The following SEC24D variants were observed in gnomAD, a reference collection of about 807,000 sequenced individuals.
SEC24D encodes SEC24 homolog D, COPII component.
In SEC24D, 69 loss-of-function variants were observed where a neutral mutation model predicts 116.9. The observed-to-expected ratio is 0.59, with a 90% confidence interval of 0.49 to 0.72. The LOEUF (loss-of-function observed/expected upper bound fraction) is 0.72. Ranked by LOEUF, SEC24D falls within the 30% of genes least tolerant of loss-of-function variation. The pLI, the probability that SEC24D is intolerant of heterozygous loss-of-function variation, is 0.00. For missense variants in SEC24D, 1,131 were observed against 1,264.1 expected (o/e 0.89, Z 1.60); for synonymous variants, 405 against 442.8 (o/e 0.91, Z 1.07).
In SEC24D at chr4:118,738,295, CGGT is replaced by C; in HGVS notation, c.2459_2461del (p.Tyr820_Arg821delinsTrp). The C allele has an allele frequency of 6.2e-7, 1 of 1,613,440 alleles. No homozygotes were observed. The highest frequency in any genetic ancestry group is 8.5e-7 in the Non-Finnish European group (1 of 1,179,490). On this transcript the variant is annotated inframe_deletion, in exon 19 of 23. Coordinates refer to ENST00000280551, the MANE Select transcript of SEC24D (RefSeq NM_014822.4). The stretch of plus-strand genomic sequence containing the variant: ...TGCAGAAGGACTTGCACAATTCTTC[CGGT>C]AACATGCCAACATATGGGCAGTCTG...
chr4:118,747,485 C>T (rs1217466947), intron 13 of SEC24D, among the ~76,000 whole-genome samples: 3 of 151,950 alleles, frequency 2.0e-5, no homozygotes, highest in Non-Finnish European at 2.9e-5. Context: ...AGGCTGGTCT[C>T]GAACTCCCAA....
intron 15 of SEC24D, among the ~76,000 whole-genome samples, chr4:118,743,324 C>T (rs927440261): frequency 4.0e-5 from 6 of 150,212 alleles, no homozygotes; most frequent in Non-Finnish European, 5.9e-5. Context: ...AATTGCCGAA[C>T]CATAAATATA....
intron 8 of SEC24D, among the ~76,000 whole-genome samples, chr4:118,771,431 A>G (rs868588638): frequency 1.3e-5 from 2 of 152,178 alleles, no homozygotes; most frequent in South Asian, 4.1e-4. Flanking sequence ...GCCTGAGTTT[A>G]CACAACATGA....
intron 19 of SEC24D, chr4:118,736,631 CTA>C (rs1725974808): frequency 4.3e-6 from 1 of 231,416 alleles, no homozygotes. Context: ...TCCAACTATT[CTA>C]TGTTTTCAGA....
At chr4:118,779,803 G>T (rs1424703745) in intron 8 of SEC24D, among the ~76,000 whole-genome samples, 1 of 152,152 alleles carries the variant, frequency 6.6e-6, no homozygotes, top group Non-Finnish European at 1.5e-5. Context: ...TCTATTCAGA[G>T]ATTCAACTTC....
At chr4:118,830,649 T>G (rs1730809725) in intron 2 of SEC24D, among the ~76,000 whole-genome samples, 1 of 152,050 alleles carries the variant, frequency 6.6e-6, no homozygotes, top group Non-Finnish European at 1.5e-5. Flanking sequence ...ATTAAAATTT[T>G]TTTTTTTAAA....
At chr4:118,763,128 T>C (rs1727467307) in intron 10 of SEC24D, among the ~76,000 whole-genome samples, 1 of 152,170 alleles carries the variant, frequency 6.6e-6, no homozygotes, top group Non-Finnish European at 1.5e-5. Context: ...TAGGAACAAC[T>C]AAACTGTCCA....
chr4:118,827,640 C>T (rs553227976), intron 2 of SEC24D, among the ~76,000 whole-genome samples: 2 of 152,278 alleles, frequency 1.3e-5, no homozygotes, highest in East Asian at 1.9e-4. Context: ...AGCAGCACAC[C>T]TCTGGGAGAC....
At chr4:118,835,057 T>G (rs1366265080) in intron 1 of SEC24D, among the ~76,000 whole-genome samples, 6 of 152,158 alleles carry the variant, frequency 3.9e-5, no homozygotes. Context: ...GGCCTTCTGG[T>G]CCACTTTGTT....
intron 19 of SEC24D, among the ~76,000 whole-genome samples, chr4:118,737,784 G>A (rs1412199201): frequency 3.3e-5 from 5 of 151,864 alleles, no homozygotes; most frequent in Non-Finnish European, 7.4e-5. Context: ...TCAATTCTTT[G>A]AAAACTCTTC....
chr4:118,723,750 T>G, intron 22 of SEC24D, 95 bp from the exon 23 acceptor site: 1 of 1,331,352 alleles, frequency 7.5e-7, no homozygotes, highest in Non-Finnish European at 1.0e-6. Flanking sequence ...GCAAACATTA[T>G]TGAATGCCCA....
rs201233518 is a variant in SEC24D, at chr4:118,732,943, T to C, written c.2497-31A>G. On this transcript the variant is annotated intron_variant, in intron 19 of 22. Transcript: ENST00000280551. The stretch of plus-strand genomic sequence containing the variant: ...AAAGACAATTTTTTGTTTCATACGC[T>C]TGATCTTTACTGAGAACAATTCCCT... The C allele has an allele frequency of 6.7e-5, 106 of 1,574,496 alleles. No homozygotes were observed. In the East Asian group the frequency reaches 2.1e-3, roughly 31 times the overall value.
At chr4:118,751,252 C>T (rs1726816825) in intron 13 of SEC24D, among the ~76,000 whole-genome samples, 1 of 147,132 alleles carries the variant, frequency 6.8e-6, no homozygotes, top group African/African-American at 2.6e-5. Flanking sequence ...CATCTTGGCT[C>T]ACCACAACCT....
chr4:118,805,419 A>G (rs1729633926), intron 7 of SEC24D, among the ~76,000 whole-genome samples: 2 of 152,198 alleles, frequency 1.3e-5, no homozygotes, highest in Non-Finnish European at 2.9e-5. Context: ...AATGTGGGAA[A>G]ACAGAACCCA....
At chr4:118,760,874 AT>A (rs35735465) in intron 10 of SEC24D, among the ~76,000 whole-genome samples, 46,868 of 148,314 alleles carry the variant, frequency 0.32, 8,336 homozygotes, top group East Asian at 0.47. Context: ...ATGCCAGCTA[AT>A]TTTTTTTTTT....
At chr4:118,783,167 A>C (rs1478891503) in intron 8 of SEC24D, among the ~76,000 whole-genome samples, 1 of 152,166 alleles carries the variant, frequency 6.6e-6, no homozygotes, top group Non-Finnish European at 1.5e-5. Context: ...GAAATGCAGA[A>C]ATCACCCGTC....
intron 3 of SEC24D, among the ~76,000 whole-genome samples, chr4:118,819,367 TA>T (rs1730292174): frequency 6.6e-6 from 1 of 151,436 alleles, no homozygotes; most frequent in Non-Finnish European, 1.5e-5. Flanking sequence ...CCGTCTCTAT[TA>T]AAAATACAAA....
chr4:118,747,162 A>G (rs1311766662), intron 13 of SEC24D, among the ~76,000 whole-genome samples: 1 of 152,168 alleles, frequency 6.6e-6, no homozygotes, highest in East Asian at 1.9e-4. Context: ...ATGAGCTCCA[A>G]TGACCAAATC....
In SEC24D at chr4:118,752,040, T is replaced by A; in HGVS notation, c.1663A>T (p.Thr555Ser). 6.2e-7 allele frequency: 1 copy of A among 1,613,356 alleles called. No homozygotes were observed. ...DMFADSNENE[T>S]VFAPVIQAGM... ...GCCTGGATGACAGGAGCAAAGACAGTCTCATTTTCATTAGAGTCTGCAAAC... is the reference window on the plus strand; with the variant it reads ...GCCTGGATGACAGGAGCAAAGACAGACTCATTTTCATTAGAGTCTGCAAAC... The change falls in exon 13 of 23, where the codon ACT (threonine) becomes TCT (serine). Residue 555 changes from threonine (T) to serine (S), a missense_variant. Physicochemically the swap from Thr to Ser is moderately conservative, Grantham distance 58. Coordinates refer to ENST00000280551, the MANE Select transcript of SEC24D (RefSeq NM_014822.4).
Sources: allele counts gnomAD v4.1 joint callset (sites outside exome capture counted in the v4.1 genomes callset), GRCh38; gene constraint gnomAD v4.1.1; transcripts MANE v1.5; gene names NCBI Gene and HGNC (gene_info 2026-07-23, HGNC 2026-07-21).